The following CC2D2A variants were observed in gnomAD, a reference collection of about 807,000 sequenced individuals.
The protein encoded by CC2D2A is coiled-coil and C2 domain containing 2A.
CC2D2A carries 155 observed loss-of-function variants against 212.9 expected under a neutral mutation model. The ratio of observed to expected loss-of-function variants is 0.73; its 90% CI spans 0.64 to 0.83. The LOEUF is 0.83. Ranked by LOEUF, CC2D2A falls within the 40% of genes least tolerant of loss-of-function variation. The probability of loss-of-function intolerance (pLI) is 0.00; values close to 1 mark genes in which losing one functional copy is unlikely to be tolerated. For missense variants in CC2D2A, 1,856 were observed against 1,956.2 expected (o/e 0.95, Z 0.97); for synonymous variants, 667 against 686.5 (o/e 0.97, Z 0.44).
chr4:15,515,949 A>G lies in CC2D2A; in HGVS notation c.962A>G (p.Glu321Gly), dbSNP rs1311089671. 1 of 1,576,818 alleles carries G rather than the reference A, an allele frequency of 6.3e-7. No homozygotes were observed. The highest frequency in any genetic ancestry group is 8.6e-7 in the Non-Finnish European group (1 of 1,160,782). Residue 321 changes from glutamate (E) to glycine (G), a missense_variant, in exon 10 of 37, where the codon GAG becomes GGG. This residue lies in a region of CC2D2A where 1,512 missense variants were observed against 1,579.3 expected (regional missense o/e 0.96). Transcript: ENST00000424120. ...GGCCTTTACACCGGGGTAAGACCAG[A>G]GGTGGCACGCACCAATCAGAACATC... ...DEGLYTGVRPEVARTNQNIME... is the reference protein window; with the variant it reads ...DEGLYTGVRPGVARTNQNIME...
chr4:15,530,246 C>A (rs1717776386), intron 13 of CC2D2A, among the ~76,000 whole-genome samples: 1 of 152,230 alleles, frequency 6.6e-6, no homozygotes, highest in Non-Finnish European at 1.5e-5. Flanking sequence ...GCTGGGATTA[C>A]AGGCGTGAGC....
rs1260505834 is a variant in CC2D2A at position 15,589,652 on chromosome 4, T to C, written c.4287T>C (p.Asn1429=). ...GQFDTFCPLK[N]VGCLIGPDNI... Reference sequence around the variant, plus strand: ...TTGATACATTCTGTCCCTTGAAAAATGTGGGCTGTTTAATAGGTCCTGACA... The same window carrying C: ...TTGATACATTCTGTCCCTTGAAAAACGTGGGCTGTTTAATAGGTCCTGACA... The change falls in exon 33 of 37, where the codon AAT becomes AAC. Residue 1429 remains asparagine (N), a synonymous_variant. Coordinates refer to ENST00000424120, the MANE Select transcript of CC2D2A (RefSeq NM_001378615.1). 22 of 1,598,652 alleles carry C rather than the reference T, an allele frequency of 1.4e-5. No individual in the cohort carries two copies. Among genetic ancestry groups the C allele is most frequent in the Non-Finnish European group, 1.7e-5 (20 of 1,171,296 alleles).
chr4:15,562,204 C>T (rs1719643090), intron 23 of CC2D2A, among the ~76,000 whole-genome samples: 1 of 152,198 alleles, frequency 6.6e-6, no homozygotes, highest in African/African-American at 2.4e-5. Flanking sequence ...CTGGCATGTG[C>T]CTCTTGCAAA....
chr4:15,550,720 T>A, intron 17 of CC2D2A, 104 bp from the exon 18 acceptor site: 1 of 797,128 alleles, frequency 1.3e-6, no homozygotes. Flanking sequence ...CCCTTAGGGC[T>A]GGAACAGTGA....
rs1397158821 is a variant in CC2D2A, at chr4:15,562,170, G to C, written c.3015-1185G>C. On this transcript the variant is annotated intron_variant, in intron 23 of 36. Transcript: ENST00000424120. ...GGAGCTGTCAGCAGCGCCTAGACAG[G>C]AGCTGCAGAGACCTCAGCCTCAGCT... is the stretch of plus-strand genomic sequence containing the variant. Among the ~76,000 whole-genome samples the C allele has an allele frequency of 2.6e-5, 4 of 152,188 alleles. No homozygotes were observed. The East Asian group carries it at 7.7e-4, about 29-fold the overall frequency.
At chr4:15,512,026 C>T (rs1716594924) in intron 8 of CC2D2A, among the ~76,000 whole-genome samples, 1 of 152,206 alleles carries the variant, frequency 6.6e-6, no homozygotes, top group South Asian at 2.1e-4. Context: ...TGAGATACCC[C>T]TGCACATCCA....
chr4:15,475,511 T>G (rs977544820), intron 1 of CC2D2A, among the ~76,000 whole-genome samples: 1 of 151,972 alleles, frequency 6.6e-6, no homozygotes, highest in African/African-American at 2.4e-5. Context: ...GAGGTGGCGG[T>G]GGCTCCATGT....
intron 4 of CC2D2A, among the ~76,000 whole-genome samples, chr4:15,500,044 C>T (rs574715552): frequency 4.1e-5 from 6 of 147,772 alleles, no homozygotes; most frequent in Non-Finnish European, 8.9e-5. Flanking sequence ...TATTATGGGA[C>T]CATGATAAAG....
At chr4:15,541,394 G>T (rs1435058952) in intron 17 of CC2D2A, among the ~76,000 whole-genome samples, 1 of 152,044 alleles carries the variant, frequency 6.6e-6, no homozygotes, top group Non-Finnish European at 1.5e-5. Flanking sequence ...ACAGCTTTGA[G>T]ATGATTTTAA....
In CC2D2A at chr4:15,601,408, C is replaced by G; in HGVS notation, c.4846C>G (p.Leu1616Val). 2 of 1,501,270 alleles carry G rather than the reference C, an allele frequency of 1.3e-6. No individual in the cohort carries two copies. The highest frequency in any genetic ancestry group is 1.8e-6 in the Non-Finnish European group (2 of 1,120,354). The allele number at this position is 1,501,270 out of a possible 1,614,324, so 93.0% of individuals were successfully genotyped here. ...VLSVWIYVAS[L>V]IRNR ...GTCTGTTTGGATCTATGTTGCCTCT[C>G]TTATACGCAACAGGTAATTTTTTTC... is the stretch of plus-strand genomic sequence containing the variant. The change falls in exon 37 of 37, where the codon CTT becomes GTT. Residue 1616 changes from leucine (L) to valine (V), a missense_variant. Leu to Val is a conservative substitution (Grantham distance 32). This residue lies in a region of CC2D2A where 285 missense variants were observed against 278.4 expected (regional missense o/e 1.02). Transcript: ENST00000424120.
chr4:15,574,244 G>A lies in CC2D2A; in HGVS notation c.3689G>A (p.Arg1230Gln), dbSNP rs778082588. 1.8e-5 allele frequency: 28 copies of A among 1,551,416 alleles called. No individual in the cohort carries two copies. The highest frequency in any genetic ancestry group is 1.7e-4 in the Middle Eastern group (1 of 6,010). The change falls in exon 29 of 37, where the codon CGA (arginine) becomes CAA (glutamine). Residue 1230 changes from arginine (R) to glutamine (Q), a missense_variant. Transcript: ENST00000424120. ...MILERGFDSVRSLSEGSYITL... is the reference protein window; with the variant it reads ...MILERGFDSVQSLSEGSYITL... ...CTTGAGCGGGGTTTTGATTCTGTCCGAAGCTTAAGTGAAGGCTCCTACATT... is the reference window on the plus strand; with the variant it reads ...CTTGAGCGGGGTTTTGATTCTGTCCAAAGCTTAAGTGAAGGCTCCTACATT...
Position 15,562,122 on chromosome 4 carries a change from G to C in CC2D2A, c.3015-1233G>C, listed in dbSNP as rs759213. 4.5e-3 allele frequency among the ~76,000 whole-genome samples: 680 copies of C among 152,304 alleles called. 3 individuals carry two copies. The highest frequency in any genetic ancestry group is 6.4e-3 in the Non-Finnish European group (436 of 68,022). ...AGGAACAACAGCTCCTGGAATCCTG[G>C]AACTTCCTTGGGTTTCCTTATAGGA... On this transcript the variant is annotated intron_variant, in intron 23 of 36. Coordinates refer to ENST00000424120, the MANE Select transcript of CC2D2A (RefSeq NM_001378615.1).
chr4:15,531,767 T>G (rs542784988), intron 13 of CC2D2A, among the ~76,000 whole-genome samples: 1 of 152,146 alleles, frequency 6.6e-6, no homozygotes, highest in East Asian at 1.9e-4. Context: ...GGAAACTATC[T>G]TTTTTTTAGA....
At chr4:15,516,571 C>A in intron 10 of CC2D2A, 54 bp from the exon 11 acceptor site, 2 of 1,559,976 alleles carry the variant, frequency 1.3e-6, no homozygotes, top group African/African-American at 1.4e-5. Flanking sequence ...TGTTGTGAAC[C>A]ATTTTCTGTT....
chr4:15,557,451 C>T lies in CC2D2A; in HGVS notation c.2773C>T (p.Arg925Ter), dbSNP rs386833748. 7 of 1,612,388 alleles carry T rather than the reference C, an allele frequency of 4.3e-6. No homozygotes were observed. Among genetic ancestry groups the T allele is most frequent in the Middle Eastern group, 1.6e-4 (1 of 6,080 alleles). The stretch of plus-strand genomic sequence containing the variant: ...TAGAAGCCAAGAGGTGCCAGAATTC[C>T]GAAATTATAAGCAAGTTCCAGTCTA... The part of the protein sequence containing the change: ...HLRSQEVPEF[R>*]NYKQVPVYDR... Residue 925 changes from arginine to a stop codon, truncating the protein, a stop_gained, in exon 21 of 37, where the codon CGA becomes TGA. Transcript: ENST00000424120. LOFTEE classifies it high-confidence loss of function.
chr4:15,595,924 A>G (rs1721297623), intron 33 of CC2D2A, 161 bp from the exon 34 acceptor site: 1 of 461,000 alleles, frequency 2.2e-6, no homozygotes, highest in Non-Finnish European at 3.6e-6. Context: ...TGATTGTAAA[A>G]TACACACAAT....
Position 15,527,512 on chromosome 4 carries a change from A to T in CC2D2A, c.1215A>T (p.Gln405His). The T allele has an allele frequency of 6.2e-7, 1 of 1,613,660 alleles. No individual in the cohort carries two copies. The highest frequency in any genetic ancestry group is 8.5e-7 in the Non-Finnish European group (1 of 1,179,718). ...IRSGDPPGNF[Q>H]LDIDISGLIF... The stretch of plus-strand genomic sequence containing the variant: ...CTGGAGACCCTCCTGGAAATTTCCA[A>T]CTGGACATTGATATTTCAGGGTTAA... The change falls in exon 12 of 37, where the codon CAA (glutamine) becomes CAT (histidine). Residue 405 changes from glutamine (Q) to histidine (H), a missense_variant. Coordinates refer to ENST00000424120, the MANE Select transcript of CC2D2A (RefSeq NM_001378615.1).
chr4:15,528,728 T>C lies in CC2D2A; in HGVS notation c.1466+2T>C, dbSNP rs770219362. The C allele has an allele frequency of 1.9e-6, 3 of 1,593,694 alleles. No homozygotes were observed. The highest frequency in any genetic ancestry group is 1.3e-5 in the African/African-American group (1 of 74,514). On this transcript the variant is annotated splice_donor_variant, in intron 13 of 36. Coordinates refer to ENST00000424120, the MANE Select transcript of CC2D2A (RefSeq NM_001378615.1). LOFTEE classifies it high-confidence loss of function. ...CAATGAGTATAAATCTGAAATTCGG[T>C]GAGTAAAGTTTGTTAAGTGTAACTA...
intron 24 of CC2D2A, among the ~76,000 whole-genome samples, chr4:15,566,653 C>T (rs1719893549): frequency 6.6e-6 from 1 of 152,086 alleles, no homozygotes; most frequent in African/African-American, 2.4e-5. Context: ...ACCACAGCCA[C>T]CAGGGCCATA....
Sources: allele counts gnomAD v4.1 joint callset (sites outside exome capture counted in the v4.1 genomes callset), GRCh38; gene constraint gnomAD v4.1.1; regional missense constraint gnomAD v4.1.1; transcripts MANE v1.5; gene names NCBI Gene and HGNC (gene_info 2026-07-23, HGNC 2026-07-21).